UBE2E2: variants seen among roughly 807,000 people sequenced by gnomAD.
UBE2E2 encodes ubiquitin conjugating enzyme E2 E2, also known as ubiquitin-conjugating enzyme E2 E2.
UBE2E2 carries 6 observed loss-of-function variants against 24.7 expected under a neutral mutation model. The ratio of observed to expected loss-of-function variants is 0.24; its 90% CI spans 0.13 to 0.48. UBE2E2 has a LOEUF of 0.48. Among genes scored for constraint, UBE2E2 ranks in the 20% least tolerant of loss-of-function variants. UBE2E2 has a pLI of 0.99. For missense variants in UBE2E2, 169 were observed against 245.0 expected (o/e 0.69, Z 2.07); for synonymous variants, 104 against 83.6 (o/e 1.24, Z -1.33).
chr3:23,270,706 G>T (rs1698217158), intron 3 of UBE2E2, among the ~76,000 whole-genome samples: 1 of 152,186 alleles, frequency 6.6e-6, no homozygotes, highest in Non-Finnish European at 1.5e-5. Flanking sequence ...GTTATTACTG[G>T]CATCTGATAT....
chr3:23,442,299 T>C (rs527907693), intron 3 of UBE2E2, among the ~76,000 whole-genome samples: 1 of 147,688 alleles, frequency 6.8e-6, no homozygotes, highest in African/African-American at 2.5e-5. Flanking sequence ...TTTCTAAATT[T>C]AAAAAAAAAA....
chr3:23,569,616 G>T (rs917116431), intron 5 of UBE2E2, among the ~76,000 whole-genome samples: 1 of 152,092 alleles, frequency 6.6e-6, no homozygotes, highest in African/African-American at 2.4e-5. Flanking sequence ...TGGACCTCTG[G>T]TATCTTAAGT....
chr3:23,469,572 T>C (rs1698991418), intron 3 of UBE2E2, among the ~76,000 whole-genome samples: 2 of 152,356 alleles, frequency 1.3e-5, no homozygotes, highest in South Asian at 4.1e-4. Context: ...CTATATTGCA[T>C]GCTTAAATGA....
chr3:23,226,846 T>G (rs1445490267), intron 3 of UBE2E2, among the ~76,000 whole-genome samples: 2 of 151,976 alleles, frequency 1.3e-5, no homozygotes, highest in Non-Finnish European at 2.9e-5. Context: ...AAAAATTGTG[T>G]CATAGAAATT....
At chr3:23,418,159 G>T in intron 3 of UBE2E2, among the ~76,000 whole-genome samples, 1 of 152,172 alleles carries the variant, frequency 6.6e-6, no homozygotes, top group Non-Finnish European at 1.5e-5. Flanking sequence ...GTCCAGTTTT[G>T]TACTTGAAAC....
At chr3:23,386,593 A>G (rs1010695582) in intron 3 of UBE2E2, among the ~76,000 whole-genome samples, 4 of 152,344 alleles carry the variant, frequency 2.6e-5, no homozygotes, top group South Asian at 2.1e-4. Flanking sequence ...CAGCTATTAT[A>G]TTTATTTTCA....
chr3:23,215,206 A>G (rs1455205882), intron 2 of UBE2E2, among the ~76,000 whole-genome samples: 1 of 152,180 alleles, frequency 6.6e-6, no homozygotes, highest in Admixed American at 6.6e-5. Flanking sequence ...TATATTAGCT[A>G]CACTTAATTT....
intron 3 of UBE2E2, among the ~76,000 whole-genome samples, chr3:23,336,652 C>G (rs1695221362): frequency 1.3e-5 from 2 of 152,136 alleles, no homozygotes; most frequent in Admixed American, 1.3e-4. Context: ...TATTGCGTAT[C>G]TCAAAGCAGT....
intron 3 of UBE2E2, among the ~76,000 whole-genome samples, chr3:23,491,884 TA>T (rs1214507626): frequency 6.6e-6 from 1 of 152,120 alleles, no homozygotes; most frequent in Non-Finnish European, 1.5e-5. Flanking sequence ...ATGCGGCCAA[TA>T]ATCAGAGTAC....
intron 3 of UBE2E2, among the ~76,000 whole-genome samples, chr3:23,392,164 C>T (rs1333530690): frequency 6.6e-6 from 1 of 152,108 alleles, no homozygotes; most frequent in African/African-American, 2.4e-5. Context: ...TATGCTTAGA[C>T]AGATGGCAGA....
chr3:23,559,652 G>A (rs1016671956), intron 5 of UBE2E2, among the ~76,000 whole-genome samples: 1 of 152,002 alleles, frequency 6.6e-6, no homozygotes, highest in Non-Finnish European at 1.5e-5. Context: ...GTACAATGTT[G>A]AGTTAAGGTC....
chr3:23,326,237 A>G (rs1575562328), intron 3 of UBE2E2, among the ~76,000 whole-genome samples: 1 of 151,922 alleles, frequency 6.6e-6, no homozygotes, highest in Non-Finnish European at 1.5e-5. Context: ...AAGCCTGGCT[A>G]ATTTTGTATT....
At chr3:23,486,284 TCCACTGCAGGCAC>T (rs1341322684) in intron 3 of UBE2E2, among the ~76,000 whole-genome samples, 2 of 152,260 alleles carry the variant, frequency 1.3e-5, no homozygotes, top group Non-Finnish European at 2.9e-5. Flanking sequence ...ACAAGAGGCT[TCCACTGCAGGCAC>T]CCACATCCAG....
intron 3 of UBE2E2, among the ~76,000 whole-genome samples, chr3:23,319,012 A>G (rs751917913): frequency 3.3e-5 from 5 of 152,202 alleles, no homozygotes; most frequent in African/African-American, 1.2e-4. Context: ...AGGAAGGAGA[A>G]TGTTGTGTGT....
At chr3:23,529,598 G>C (rs1695075468) in intron 4 of UBE2E2, among the ~76,000 whole-genome samples, 1 of 152,018 alleles carries the variant, frequency 6.6e-6, no homozygotes, top group Non-Finnish European at 1.5e-5. Flanking sequence ...CTTTGCCTTA[G>C]TTTCATCATT....
At chr3:23,441,598 C>G (rs1365167355) in intron 3 of UBE2E2, among the ~76,000 whole-genome samples, 2 of 150,876 alleles carry the variant, frequency 1.3e-5, no homozygotes, top group Non-Finnish European at 3.0e-5. Flanking sequence ...ATGCCACCAT[C>G]TCTGAAGCAC....
intron 5 of UBE2E2, among the ~76,000 whole-genome samples, chr3:23,566,113 C>T (rs1402484823): frequency 6.6e-6 from 1 of 152,162 alleles, no homozygotes. Flanking sequence ...AGCCCTCTGT[C>T]AAATTAACAT....
intron 3 of UBE2E2, among the ~76,000 whole-genome samples, chr3:23,243,245 T>C (rs1481941409): frequency 6.6e-6 from 1 of 152,220 alleles, no homozygotes; most frequent in African/African-American, 2.4e-5. Flanking sequence ...CCTGCTGCAC[T>C]AGAGCCAGCA....
At chr3:23,356,019 C>G (rs1478778688) in intron 3 of UBE2E2, among the ~76,000 whole-genome samples, 5 of 152,158 alleles carry the variant, frequency 3.3e-5, no homozygotes, top group African/African-American at 7.2e-5. Context: ...GCTAGAAATA[C>G]AGATCTGATG....
Sources: gnomAD v4.1 joint callset for allele counts (sites outside exome capture counted in the v4.1 genomes callset) on GRCh38, gnomAD v4.1.1 for gene constraint, MANE v1.5 for transcripts, NCBI Gene and HGNC (gene_info 2026-07-23, HGNC 2026-07-21) for gene names.